IMMP2L: variants seen among roughly 807,000 people sequenced by gnomAD.
IMMP2L encodes mitochondrial inner membrane protease subunit 2.
A neutral mutation model predicts 19.3 loss-of-function variants in IMMP2L; 18 were observed. That is an observed-to-expected ratio of 0.93 (90% CI 0.64 to 1.38). The LOEUF (loss-of-function observed/expected upper bound fraction) is 1.38, where lower values mean the gene tolerates loss of function less well. Among genes scored for constraint, IMMP2L ranks in the 40% most tolerant of loss-of-function variants. IMMP2L has a pLI of 0.00. For missense variants in IMMP2L, 233 were observed against 218.2 expected (o/e 1.07, Z -0.43); for synonymous variants, 76 against 73.0 (o/e 1.04, Z -0.21).
At chr7:111,494,361 C>A (rs2132349242) in intron 2 of IMMP2L, among the ~76,000 whole-genome samples, 1 of 152,202 alleles carries the variant, frequency 6.6e-6, no homozygotes, top group African/African-American at 2.4e-5. Context: ...GTAAGAAAGA[C>A]CCACCCTCAC....
At chr7:111,249,492 C>G (rs564271636) in intron 3 of IMMP2L, among the ~76,000 whole-genome samples, 1 of 151,810 alleles carries the variant, frequency 6.6e-6, no homozygotes, top group Non-Finnish European at 1.5e-5. Flanking sequence ...GCGTCGCTCA[C>G]GCTGGGAGCT....
chr7:111,082,350 T>C (rs1240538009), intron 3 of IMMP2L, among the ~76,000 whole-genome samples: 1 of 152,252 alleles, frequency 6.6e-6, no homozygotes, highest in East Asian at 1.9e-4. Flanking sequence ...AATTTGCTTT[T>C]ATAACACCAA....
rs565968410 is a variant in IMMP2L, at chr7:110,758,809, T to A, written c.409-95088A>T. 5.9e-5 allele frequency among the ~76,000 whole-genome samples: 9 copies of A among 152,172 alleles called. No homozygotes were observed. Among genetic ancestry groups the A allele is most frequent in the African/African-American group, 1.9e-4 (8 of 41,548 alleles). ...ACGTAGTAACTACTGGTCATTGCAGTGCCTGGAAAATTAATGAGTTATATA... is the reference window on the plus strand; with the variant it reads ...ACGTAGTAACTACTGGTCATTGCAGAGCCTGGAAAATTAATGAGTTATATA... On this transcript the variant is annotated intron_variant, in intron 5 of 5. Transcript: ENST00000405709. The surrounding 1 kb of genome is among the most constrained non-coding windows in gnomAD (Gnocchi z 4.6).
chr7:110,722,352 A>C (rs2130773780), intron 5 of IMMP2L, among the ~76,000 whole-genome samples: 1 of 152,186 alleles, frequency 6.6e-6, no homozygotes, highest in South Asian at 2.1e-4. Context: ...CTCGAAAACC[A>C]CCACTCTTTA....
chr7:111,321,993 G>A, intron 3 of IMMP2L, among the ~76,000 whole-genome samples: 1 of 151,872 alleles, frequency 6.6e-6, no homozygotes, highest in East Asian at 1.9e-4. Flanking sequence ...TTATGTTAAA[G>A]CCCATAACTA....
intron 5 of IMMP2L, among the ~76,000 whole-genome samples, chr7:110,721,289 A>G (rs1311976407): frequency 6.6e-6 from 1 of 152,142 alleles, no homozygotes; most frequent in East Asian, 1.9e-4. Flanking sequence ...TGCAAGGACT[A>G]AAATGAAATA....
intron 3 of IMMP2L, among the ~76,000 whole-genome samples, chr7:111,241,729 G>A (rs967201227): frequency 6.6e-6 from 1 of 150,918 alleles, no homozygotes; most frequent in African/African-American, 2.4e-5. Flanking sequence ...TATAAAGTGT[G>A]TATATATATT....
At chr7:110,909,510 C>T (rs547197103) in intron 4 of IMMP2L, among the ~76,000 whole-genome samples, 30 of 152,200 alleles carry the variant, frequency 2.0e-4, no homozygotes, top group African/African-American at 6.5e-4. Context: ...AGCACGAGAA[C>T]GGTGCTGTGA....
At chr7:111,530,606 A>G (rs1388406521) in intron 1 of IMMP2L, among the ~76,000 whole-genome samples, 1 of 152,104 alleles carries the variant, frequency 6.6e-6, no homozygotes, top group Non-Finnish European at 1.5e-5. Flanking sequence ...ATTGGACCAC[A>G]GGGATAGATT....
rs183319746 is a variant in IMMP2L, at chr7:110,799,694, G to A, written c.408+86899C>T. On this transcript the variant is annotated intron_variant, in intron 5 of 5. Coordinates refer to ENST00000405709, the MANE Select transcript of IMMP2L (RefSeq NM_032549.4). The stretch of plus-strand genomic sequence containing the variant: ...AATTTATCATTTTTATTTACCGCTA[G>A]TCATTTTATTTCTCAAATAAAGACG... Among the ~76,000 whole-genome samples, 377 of 152,098 alleles carry A rather than the reference G, an allele frequency of 2.5e-3. 2 individuals are homozygous for A. Among genetic ancestry groups the A allele is most frequent in the African/African-American group, 8.4e-3 (350 of 41,516 alleles).
Position 111,543,999 on chromosome 7 carries a change from A to G in IMMP2L, c.-3+17852T>C, listed in dbSNP as rs572894975. On this transcript the variant is annotated intron_variant, in intron 1 of 5. Transcript: ENST00000405709. The stretch of plus-strand genomic sequence containing the variant: ...AAGAATTAGGAAGAAAAAGAGATCA[A>G]GGAAATAAAGCGACCAACATAATAC... Among the ~76,000 whole-genome samples the G allele has an allele frequency of 5.0e-3, 765 of 152,260 alleles. 7 individuals are homozygous for G. Among genetic ancestry groups the G allele is most frequent in the African/African-American group, 0.018 (740 of 41,556 alleles).
intron 1 of IMMP2L, among the ~76,000 whole-genome samples, chr7:111,548,895 A>G (rs1265136191): frequency 6.6e-6 from 1 of 152,204 alleles, no homozygotes; most frequent in Non-Finnish European, 1.5e-5. Context: ...TCCTACAAAC[A>G]GGAAATAATG....
intron 3 of IMMP2L, among the ~76,000 whole-genome samples, chr7:111,197,425 G>A (rs1319585815): frequency 1.3e-5 from 2 of 151,962 alleles, no homozygotes; most frequent in Non-Finnish European, 2.9e-5. Flanking sequence ...ATCACGCCAC[G>A]GTGCTCCAGC....
intron 1 of IMMP2L, among the ~76,000 whole-genome samples, chr7:111,543,176 A>T (rs577155235): frequency 4.3e-4 from 65 of 152,306 alleles, no homozygotes; most frequent in African/African-American, 1.3e-3. Flanking sequence ...CTTTCGGCAA[A>T]TATAAAAGCA....
rs148774864 is a variant in IMMP2L, at chr7:111,223,662, C to T, written c.240-260097G>A. Among the ~76,000 whole-genome samples, 473 of 152,212 alleles carry T rather than the reference C, an allele frequency of 3.1e-3. 6 individuals carry two copies. The highest frequency in any genetic ancestry group is 0.01 in the East Asian group (52 of 5,168). On this transcript the variant is annotated intron_variant, in intron 3 of 5. Coordinates refer to ENST00000405709, the MANE Select transcript of IMMP2L (RefSeq NM_032549.4). ...ACATGCTTAATTACCCAGCAAATCT[C>T]CATTCTCTGTATTGTTTTGCCTTAT...
chr7:110,986,188 T>C (rs1014073553), intron 3 of IMMP2L, among the ~76,000 whole-genome samples: 17 of 152,114 alleles, frequency 1.1e-4, no homozygotes, highest in African/African-American at 4.1e-4. Context: ...TCAGAATTAA[T>C]TTCATTTAAA....
intron 5 of IMMP2L, among the ~76,000 whole-genome samples, chr7:110,882,173 G>A (rs1288135944): frequency 6.6e-6 from 1 of 152,012 alleles, no homozygotes; most frequent in East Asian, 1.9e-4. Context: ...AATTCAGAAG[G>A]CTCACAGGTT....
At chr7:110,942,265 G>A (rs576886561) in intron 4 of IMMP2L, among the ~76,000 whole-genome samples, 2 of 151,876 alleles carry the variant, frequency 1.3e-5, no homozygotes, top group Non-Finnish European at 2.9e-5. Flanking sequence ...ACCAAATGCT[G>A]AACTTAAATT....
intron 4 of IMMP2L, among the ~76,000 whole-genome samples, chr7:110,957,029 A>C (rs996013811): frequency 6.6e-6 from 1 of 152,020 alleles, no homozygotes; most frequent in East Asian, 1.9e-4. Context: ...GTATTAGTAG[A>C]ATCAGCTTAT....
Sources: gnomAD v4.1 joint callset for allele counts (sites outside exome capture counted in the v4.1 genomes callset) on GRCh38, gnomAD v4.1.1 for gene constraint, Gnocchi (gnomAD v3.1) non-coding constraint, MANE v1.5 for transcripts, NCBI Gene and HGNC (gene_info 2026-07-23, HGNC 2026-07-21) for gene names.